The following EPM2A variants were observed in gnomAD, a reference collection of about 807,000 sequenced individuals.
The protein encoded by EPM2A is laforin.
EPM2A carries 21 observed loss-of-function variants against 26.5 expected under a neutral mutation model. The observed-to-expected ratio is 0.79, with a 90% CI of 0.56 to 1.14. The LOEUF (loss-of-function observed/expected upper bound fraction) is 1.14. Among genes scored for constraint, EPM2A ranks in the 50% most tolerant of loss-of-function variants. The pLI is 0.00. For missense variants in EPM2A, 458 were observed against 440.8 expected, an observed-to-expected ratio of 1.04 and a Z score of -0.35; for synonymous variants, 217 against 177.6, an observed-to-expected ratio of 1.22 and a Z score of -1.76.
At chr6:145,417,973 C>G (rs116645014) in intron 4 of EPM2A, among the ~76,000 whole-genome samples, 1 of 152,116 alleles carries the variant, frequency 6.6e-6, no homozygotes, top group Non-Finnish European at 1.5e-5. Context: ...CTCACCACAC[C>G]GCCCACTCCC....
At chr6:145,496,515 G>A (rs1264184255) in intron 4 of EPM2A, among the ~76,000 whole-genome samples, 2 of 152,070 alleles carry the variant, frequency 1.3e-5, no homozygotes, top group Non-Finnish European at 2.9e-5. Context: ...CAGAGGTTTT[G>A]TTCATTCCTT....
chr6:145,576,094 C>T (rs1490762436), intron 2 of EPM2A, among the ~76,000 whole-genome samples: 1 of 152,162 alleles, frequency 6.6e-6, no homozygotes, highest in Non-Finnish European at 1.5e-5. Flanking sequence ...CCTTGGCTTC[C>T]CAAAGTGTTG....
intron 4 of EPM2A, among the ~76,000 whole-genome samples, chr6:145,494,946 G>A (rs1562357655): frequency 6.6e-6 from 1 of 152,196 alleles, no homozygotes. Flanking sequence ...ATTTGGCAAT[G>A]AGAAGAATGT....
intron 2 of EPM2A, among the ~76,000 whole-genome samples, chr6:145,543,596 GA>G (rs914423058): frequency 2.0e-4 from 31 of 151,796 alleles, no homozygotes; most frequent in Non-Finnish European, 3.7e-4. Context: ...ATAATTTAAA[GA>G]AAAAAAAGTA....
chr6:145,448,378 AAT>A (rs1489677531), intron 4 of EPM2A, among the ~76,000 whole-genome samples: 2 of 152,080 alleles, frequency 1.3e-5, no homozygotes, highest in African/African-American at 4.8e-5. Context: ...AAGGCAAGAG[AAT>A]TTAGGGAACC....
intron 1 of EPM2A, among the ~76,000 whole-genome samples, chr6:145,731,567 T>C (rs568337633): frequency 2.0e-5 from 3 of 151,140 alleles, no homozygotes; most frequent in East Asian, 3.9e-4. Context: ...TAAGTGGGAG[T>C]TGAACATAGA....
intron 2 of EPM2A, among the ~76,000 whole-genome samples, chr6:145,616,646 C>A (rs746575976): frequency 1.3e-4 from 20 of 152,344 alleles, no homozygotes; most frequent in South Asian, 8.3e-4. Context: ...GGGGGCTATA[C>A]CCTGCAAAGC....
intron 4 of EPM2A, among the ~76,000 whole-genome samples, chr6:145,405,651 T>A (rs1225053743): frequency 2.0e-5 from 3 of 152,126 alleles, no homozygotes; most frequent in Non-Finnish European, 4.4e-5. Context: ...AGAATCAGGA[T>A]TATTACTTTA....
Position 145,725,893 on chromosome 6 carries a change from T to C in EPM2A, c.301+9305A>G, listed in dbSNP as rs191834075. On this transcript the variant is annotated intron_variant, in intron 1 of 3. Coordinates refer to ENST00000367519, the MANE Select transcript of EPM2A (RefSeq NM_005670.4). ...CCACAGAACTTTATATTACAAAGAA[T>C]ATATTTCCCATATATATACATAATT... Among the ~76,000 whole-genome samples the C allele has an allele frequency of 5.3e-5, 8 of 152,194 alleles. No homozygotes were observed. The East Asian group carries it at 1.3e-3, about 26-fold the overall frequency.
intron 4 of EPM2A, among the ~76,000 whole-genome samples, chr6:145,424,787 G>A (rs1187887722): frequency 6.6e-6 from 1 of 152,100 alleles, no homozygotes; most frequent in African/African-American, 2.4e-5. Context: ...CAGAGAAAAG[G>A]CATCATCTGT....
intron 2 of EPM2A, among the ~76,000 whole-genome samples, chr6:145,600,373 C>A (rs1781401441): frequency 1.3e-5 from 2 of 152,146 alleles, no homozygotes; most frequent in African/African-American, 4.8e-5. Flanking sequence ...ACAATGATAG[C>A]AGAGTTTTTC....
At chr6:145,724,943 T>C (rs1049801068) in intron 1 of EPM2A, among the ~76,000 whole-genome samples, 3 of 152,114 alleles carry the variant, frequency 2.0e-5, no homozygotes, top group African/African-American at 7.2e-5. Flanking sequence ...AGTTTTTTTG[T>C]TCAATACCAA....
chr6:145,544,682 A>T (rs896428358), intron 2 of EPM2A, among the ~76,000 whole-genome samples: 1 of 152,162 alleles, frequency 6.6e-6, no homozygotes, highest in South Asian at 2.1e-4. Context: ...GCAACCTTGA[A>T]GCCATAGCAG....
At chr6:145,729,345 G>A (rs1042265715) in intron 1 of EPM2A, among the ~76,000 whole-genome samples, 5 of 152,144 alleles carry the variant, frequency 3.3e-5, no homozygotes, top group East Asian at 3.9e-4. Context: ...AGCTTGCACC[G>A]TGGGCCTGGA....
intron 2 of EPM2A, among the ~76,000 whole-genome samples, chr6:145,681,701 G>A (rs1353677002): frequency 2.0e-5 from 3 of 151,976 alleles, no homozygotes; most frequent in African/African-American, 7.3e-5. Flanking sequence ...TCAGATAGTT[G>A]TAGATATGCG....
intron 2 of EPM2A, among the ~76,000 whole-genome samples, chr6:145,653,128 A>G (rs1033161087): frequency 1.3e-5 from 2 of 152,156 alleles, no homozygotes; most frequent in Non-Finnish European, 2.9e-5. Flanking sequence ...TGATATGGTT[A>G]GGCTTTGTGT....
chr6:145,542,600 A>T (rs1780528100), intron 2 of EPM2A, among the ~76,000 whole-genome samples: 1 of 152,248 alleles, frequency 6.6e-6, no homozygotes, highest in African/African-American at 2.4e-5. Flanking sequence ...CAATTAGAGC[A>T]TATTCACCTG....
At chr6:145,630,060 A>G (rs1776133256) in intron 3 of EPM2A, 1 of 152,232 alleles carries the variant, frequency 6.6e-6, no homozygotes, top group African/African-American at 2.4e-5. Context: ...TTTTCATTTT[A>G]TGTGTAAAAC....
At chr6:145,647,069 A>G (rs1274407714) in intron 2 of EPM2A, among the ~76,000 whole-genome samples, 4 of 151,196 alleles carry the variant, frequency 2.6e-5, no homozygotes, top group African/African-American at 9.7e-5. Flanking sequence ...CTCCAAAATG[A>G]CCTCCCAGTC....
Sources: gnomAD v4.1 joint callset for allele counts (sites outside exome capture counted in the v4.1 genomes callset) on GRCh38, gnomAD v4.1.1 for gene constraint, MANE v1.5 for transcripts, NCBI Gene and HGNC (gene_info 2026-07-23, HGNC 2026-07-21) for gene names.